The following DLC1 variants were observed in gnomAD, a reference collection of about 807,000 sequenced individuals.
DLC1 encodes DLC1 Rho GTPase activating protein, also known as rho GTPase-activating protein 7.
In DLC1, 54 loss-of-function variants were observed where a neutral mutation model predicts 140.3. That is an observed-to-expected ratio of 0.38 (90% CI 0.31 to 0.48). The LOEUF is 0.48. Ranked by LOEUF, DLC1 falls within the 20% of genes least tolerant of loss-of-function variation. The pLI, the probability that DLC1 is intolerant of heterozygous loss-of-function variation, is 0.96. For missense variants in DLC1, 2,536 were observed against 1,907.0 expected, an observed-to-expected ratio of 1.33 and a Z score of -6.14; for synonymous variants, 986 against 728.1, an observed-to-expected ratio of 1.35 and a Z score of -5.70.
chr8:13,551,378 A>G (rs1351241286), intron 1 of DLC1, among the ~76,000 whole-genome samples: 6 of 152,004 alleles, frequency 3.9e-5, no homozygotes, highest in Non-Finnish European at 8.8e-5. Context: ...CTAGTTCTAG[A>G]TTTTGAATTT....
At chr8:13,588,764 C>T (rs1805417155) in intron 1 of DLC1, among the ~76,000 whole-genome samples, 1 of 152,004 alleles carries the variant, frequency 6.6e-6, no homozygotes, top group African/African-American at 2.4e-5. Context: ...GCTTGGGATG[C>T]ATGGTTAAGT....
In DLC1 at chr8:13,173,846, A is replaced by AT. The variant is rs1825622255; in HGVS notation, c.1349-58190dup. ...CCAAATATTAAATCATAATTAGTCC[A>AT]TTTTTTATTTTTTAAATCTCATATT... On this transcript the variant is annotated intron_variant, in intron 5 of 17. Transcript: ENST00000276297. Among the ~76,000 whole-genome samples the AT allele has an allele frequency of 2.6e-5, 4 of 152,142 alleles. No homozygotes were observed. In the South Asian group the frequency reaches 8.3e-4, roughly 31 times the overall value.
chr8:13,297,280 ATT>A (rs1831993232), intron 5 of DLC1, among the ~76,000 whole-genome samples: 2 of 138,402 alleles, frequency 1.4e-5, no homozygotes, highest in African/African-American at 2.7e-5. Flanking sequence ...GCCTTCATAC[ATT>A]AAAAAAAAAA....
intron 5 of DLC1, among the ~76,000 whole-genome samples, chr8:13,117,828 T>TG (rs1375287426): frequency 6.6e-6 from 1 of 152,232 alleles, no homozygotes; most frequent in African/African-American, 2.4e-5. Context: ...TGCCAGAGCA[T>TG]GCTCCTGCTT....
At chr8:13,531,144 T>C (rs1803084559) in intron 1 of DLC1, among the ~76,000 whole-genome samples, 1 of 152,146 alleles carries the variant, frequency 6.6e-6, no homozygotes, top group African/African-American at 2.4e-5. Context: ...TGGAACTGAA[T>C]TGCTCACCAT....
intron 2 of DLC1, among the ~76,000 whole-genome samples, chr8:13,465,152 G>A (rs915854649): frequency 1.3e-5 from 2 of 152,118 alleles, no homozygotes; most frequent in Non-Finnish European, 2.9e-5. Flanking sequence ...TCTGTTGTCC[G>A]TGGTCTTTTG....
chr8:13,514,963 G>C (rs529876415), upstream of DLC1: 329 of 266,558 alleles, frequency 1.2e-3, no homozygotes, highest in African/African-American at 6.8e-3. Flanking sequence ...GGGAGGAGGG[G>C]AGAGCCCAGC....
At chr8:13,556,391 A>G (rs541465261) in intron 1 of DLC1, among the ~76,000 whole-genome samples, 12 of 152,318 alleles carry the variant, frequency 7.9e-5, no homozygotes, top group African/African-American at 2.9e-4. Flanking sequence ...TCTGACTTCC[A>G]AAAATTCTGA....
At chr8:13,144,892 A>T (rs1245580137) in intron 5 of DLC1, among the ~76,000 whole-genome samples, 1 of 152,250 alleles carries the variant, frequency 6.6e-6, no homozygotes, top group African/African-American at 2.4e-5. Context: ...AGCCATGTCC[A>T]GTAAACACTC....
At chr8:13,173,949 C>T (rs1359965493) in intron 5 of DLC1, among the ~76,000 whole-genome samples, 2 of 152,042 alleles carry the variant, frequency 1.3e-5, no homozygotes, top group Non-Finnish European at 2.9e-5. Context: ...GGGGTATGAA[C>T]GATCTCATCA....
intron 4 of DLC1, among the ~76,000 whole-genome samples, chr8:13,365,095 G>C (rs1835419237): frequency 6.6e-6 from 1 of 152,142 alleles, no homozygotes; most frequent in South Asian, 2.1e-4. Flanking sequence ...TATTCCCGTA[G>C]TATAGTCCTT....
chr8:13,532,790 T>C (rs370424837), intron 1 of DLC1, among the ~76,000 whole-genome samples: 1 of 152,174 alleles, frequency 6.6e-6, no homozygotes, highest in Admixed American at 6.5e-5. Context: ...GGTATGTTTG[T>C]GTAATACTTC....
chr8:13,579,389 A>T lies in DLC1; in HGVS notation c.-126+25148T>A, dbSNP rs57998370. ...TTTATATAATACATATTTATATATT[A>T]TATATTATATATTTAATATATTATA... On this transcript the variant is annotated intron_variant, in intron 1 of 1. Transcript: ENST00000631382. 7.2e-3 allele frequency among the ~76,000 whole-genome samples: 166 copies of T among 22,954 alleles called. 15 individuals are homozygous for T. The highest frequency in any genetic ancestry group is 0.014 in the African/African-American group (118 of 8,582). 15.1% of individuals were successfully genotyped at this position (22,954 alleles called of 152,430 possible).
intron 1 of DLC1, among the ~76,000 whole-genome samples, chr8:13,580,959 C>T (rs62493200): frequency 6.6e-6 from 1 of 152,128 alleles, no homozygotes; most frequent in Non-Finnish European, 1.5e-5. Flanking sequence ...GAGCTTCCCA[C>T]CAGTACTGAA....
chr8:13,522,996 G>C (rs1271655265), intron 1 of DLC1, among the ~76,000 whole-genome samples: 1 of 151,980 alleles, frequency 6.6e-6, no homozygotes, highest in Non-Finnish European at 1.5e-5. Context: ...AGGAGAGAGA[G>C]AGGGAGAATA....
chr8:13,354,820 A>C (rs943336941), intron 4 of DLC1, among the ~76,000 whole-genome samples: 2 of 151,670 alleles, frequency 1.3e-5, no homozygotes, highest in African/African-American at 4.8e-5. Context: ...ATGGTGGTAC[A>C]TGCCTGTAAT....
chr8:13,308,990 C>G (rs1359222527), intron 4 of DLC1, among the ~76,000 whole-genome samples: 1 of 152,066 alleles, frequency 6.6e-6, no homozygotes, highest in Non-Finnish European at 1.5e-5. Context: ...AGTAGGTGTT[C>G]ATCAACATTT....
intron 1 of DLC1, chr8:13,567,884 C>G (rs769617734): frequency 1.0e-5 from 16 of 1,551,984 alleles, no homozygotes; most frequent in Middle Eastern, 1.7e-4. Flanking sequence ...TTACCATTTT[C>G]TCTGCCATTT....
intron 5 of DLC1, among the ~76,000 whole-genome samples, chr8:13,255,381 T>A (rs1234581216): frequency 6.6e-6 from 1 of 152,174 alleles, no homozygotes; most frequent in Non-Finnish European, 1.5e-5. Context: ...CCTATAGCAG[T>A]GTCTGCTATA....
Sources: allele counts gnomAD v4.1 joint callset (sites outside exome capture counted in the v4.1 genomes callset), GRCh38; gene constraint gnomAD v4.1.1; transcripts MANE v1.5; gene names NCBI Gene and HGNC (gene_info 2026-07-23, HGNC 2026-07-21).